The following DOK6 variants were observed in gnomAD, a reference collection of about 807,000 sequenced individuals.
DOK6 encodes docking protein 6, also known as downstream of tyrosine kinase 6.
In DOK6, 22 loss-of-function variants were observed where a neutral mutation model predicts 44.0. The ratio of observed to expected loss-of-function variants is 0.50; its 90% CI spans 0.36 to 0.71. DOK6 has a LOEUF of 0.71. Ranked by LOEUF, DOK6 falls within the 30% of genes least tolerant of loss-of-function variation. The pLI, the probability that DOK6 is intolerant of heterozygous loss-of-function variation, is 0.00. For synonymous variants in DOK6, 166 were observed against 145.5 expected, an observed-to-expected ratio of 1.14 and a Z score of -1.01; for missense variants, 340 against 416.4, an observed-to-expected ratio of 0.82 and a Z score of 1.60.
intron 5 of DOK6, among the ~76,000 whole-genome samples, chr18:69,720,065 T>G (rs879345513): frequency 1.3e-5 from 2 of 152,110 alleles, no homozygotes; most frequent in Admixed American, 6.5e-5. Flanking sequence ...GGCACACCCT[T>G]GTAGTCCCAG....
At chr18:69,491,577 T>G (rs1297477470) in intron 1 of DOK6, among the ~76,000 whole-genome samples, 1 of 152,240 alleles carries the variant, frequency 6.6e-6, no homozygotes, top group Non-Finnish European at 1.5e-5. Flanking sequence ...ATATGTCCTA[T>G]GTATGATATG....
In DOK6 at chr18:69,694,021, C is replaced by T. The variant is rs569711321; in HGVS notation, c.410-4383C>T. 2.1e-3 allele frequency among the ~76,000 whole-genome samples: 297 copies of T among 140,924 alleles called. 1 individual carries two copies. In the East Asian group the frequency reaches 0.023, roughly 11 times the overall value. 92.5% of individuals were successfully genotyped at this position (140,924 alleles called of 152,430 possible). On this transcript the variant is annotated intron_variant, in intron 4 of 7. Coordinates refer to ENST00000382713, the MANE Select transcript of DOK6 (RefSeq NM_152721.6). ...TTGCAGCGAGCCGAGATCCCGCCAC[C>T]GCACTCCAGCCTGGGCGACAGAGCG...
chr18:69,499,638 C>T (rs964778572), intron 1 of DOK6, among the ~76,000 whole-genome samples: 2 of 152,122 alleles, frequency 1.3e-5, no homozygotes, highest in African/African-American at 2.4e-5. Context: ...ACAATTCTGA[C>T]GTTTGTATCT....
chr18:69,752,058 A>C (rs1979200360), intron 6 of DOK6, among the ~76,000 whole-genome samples: 1 of 152,170 alleles, frequency 6.6e-6, no homozygotes, highest in Non-Finnish European at 1.5e-5. Flanking sequence ...TAGATCAAGA[A>C]GATAACCTAA....
At chr18:69,484,562 G>C (rs1331594798) in intron 1 of DOK6, among the ~76,000 whole-genome samples, 2 of 152,160 alleles carry the variant, frequency 1.3e-5, no homozygotes, top group African/African-American at 4.8e-5. Flanking sequence ...TGCTCCTAGA[G>C]GAAATACAGG....
chr18:69,502,908 G>A (rs1372193493), intron 1 of DOK6, among the ~76,000 whole-genome samples: 2 of 152,090 alleles, frequency 1.3e-5, no homozygotes, highest in African/African-American at 4.8e-5. Flanking sequence ...TCTGTAGTGT[G>A]CGCTCTTATA....
chr18:69,612,807 T>G (rs1431218817), intron 3 of DOK6, among the ~76,000 whole-genome samples: 1 of 152,208 alleles, frequency 6.6e-6, no homozygotes. Context: ...TTAGTAAAAT[T>G]TATACTTGTT....
chr18:69,796,192 A>C (rs1980740346), intron 7 of DOK6, among the ~76,000 whole-genome samples: 1 of 152,182 alleles, frequency 6.6e-6, no homozygotes, highest in Non-Finnish European at 1.5e-5. Context: ...TGAAAATTCC[A>C]AAGAAGGGTC....
At chr18:69,676,834 C>T (rs1299160090) in intron 3 of DOK6, among the ~76,000 whole-genome samples, 1 of 152,118 alleles carries the variant, frequency 6.6e-6, no homozygotes, top group African/African-American at 2.4e-5. Context: ...AGGGCTTACA[C>T]CAAAGTCAAA....
At chr18:69,790,049 T>G (rs1299107688) in intron 7 of DOK6, among the ~76,000 whole-genome samples, 1 of 152,156 alleles carries the variant, frequency 6.6e-6, no homozygotes, top group African/African-American at 2.4e-5. Flanking sequence ...TCCTCAGAGT[T>G]GAACAAGAGG....
At chr18:69,450,881 G>T (rs200259474) in intron 1 of DOK6, among the ~76,000 whole-genome samples, 1 of 148,552 alleles carries the variant, frequency 6.7e-6, no homozygotes, top group Admixed American at 6.8e-5. Flanking sequence ...GTCACCACCA[G>T]GCCTGCCCTA....
intron 5 of DOK6, among the ~76,000 whole-genome samples, chr18:69,738,133 T>C (rs1354171304): frequency 1.3e-5 from 2 of 152,230 alleles, no homozygotes; most frequent in Non-Finnish European, 2.9e-5. Context: ...CGGAAGCCTC[T>C]TGAGACATTT....
chr18:69,515,534 A>G (rs553385762), intron 1 of DOK6, among the ~76,000 whole-genome samples: 10 of 152,344 alleles, frequency 6.6e-5, no homozygotes, highest in African/African-American at 1.9e-4. Context: ...GGCGTGAACT[A>G]ACAAACATAA....
At chr18:69,674,459 AC>A (rs1486583177) in intron 3 of DOK6, among the ~76,000 whole-genome samples, 1 of 152,024 alleles carries the variant, frequency 6.6e-6, no homozygotes, top group Non-Finnish European at 1.5e-5. Context: ...CACTCTTGCT[AC>A]CCTGCAAATG....
At chr18:69,408,813 T>C (rs1978294613) in intron 1 of DOK6, among the ~76,000 whole-genome samples, 1 of 152,234 alleles carries the variant, frequency 6.6e-6, no homozygotes, top group East Asian at 1.9e-4. Context: ...TTGTTTCTTA[T>C]TTTTGTTGCT....
intron 3 of DOK6, among the ~76,000 whole-genome samples, chr18:69,675,216 G>A (rs1028686423): frequency 1.3e-4 from 20 of 152,118 alleles, no homozygotes; most frequent in African/African-American, 4.6e-4. Flanking sequence ...TTTCATAGAA[G>A]CCTTTTACTG....
chr18:69,636,321 A>T (rs749619744), intron 3 of DOK6, among the ~76,000 whole-genome samples: 124 of 152,198 alleles, frequency 8.1e-4, no homozygotes, highest in Non-Finnish European at 2.2e-4. Context: ...CCTAACTAGT[A>T]CAGATGACAC....
At chr18:69,448,045 A>G (rs1282655880) in intron 1 of DOK6, among the ~76,000 whole-genome samples, 4 of 152,270 alleles carry the variant, frequency 2.6e-5, no homozygotes, top group South Asian at 4.1e-4. Flanking sequence ...TAGCAATTGC[A>G]TTGCTCATTT....
intron 2 of DOK6, among the ~76,000 whole-genome samples, chr18:69,566,950 A>G (rs1168905894): frequency 6.6e-6 from 1 of 152,184 alleles, no homozygotes; most frequent in East Asian, 1.9e-4. Flanking sequence ...CCCACTCATT[A>G]TCCCACAGAG....
Sources: gnomAD v4.1 joint callset for allele counts (sites outside exome capture counted in the v4.1 genomes callset) on GRCh38, gnomAD v4.1.1 for gene constraint, MANE v1.5 for transcripts, NCBI Gene and HGNC (gene_info 2026-07-23, HGNC 2026-07-21) for gene names.